TRIM2: variants seen among roughly 807,000 people sequenced by gnomAD.
TRIM2 encodes the protein tripartite motif containing 2, also known as tripartite motif-containing protein 2.
In TRIM2, 20 loss-of-function variants were observed where a neutral mutation model predicts 75.2. That is an observed-to-expected ratio of 0.27 (90% CI 0.19 to 0.39). TRIM2 has a LOEUF of 0.39. Among genes scored for constraint, TRIM2 ranks in the 10% least tolerant of loss-of-function variants. TRIM2 has a pLI of 1.00. For synonymous variants in TRIM2, 373 were observed against 388.3 expected, an observed-to-expected ratio of 0.96 and a Z score of 0.46; for missense variants, 660 against 990.8, an observed-to-expected ratio of 0.67 and a Z score of 4.48.
chr4:153,272,747 A>G (rs185456026), intron 2 of TRIM2, among the ~76,000 whole-genome samples: 1 of 152,222 alleles, frequency 6.6e-6, no homozygotes, highest in East Asian at 1.9e-4. Flanking sequence ...TTGGGCTTAC[A>G]GGCGTGAGCC....
At chr4:153,166,920 T>C (rs952874102) in intron 1 of TRIM2, among the ~76,000 whole-genome samples, 3 of 152,190 alleles carry the variant, frequency 2.0e-5, no homozygotes. Flanking sequence ...CGGGGGTCTG[T>C]CTGGAGACCT....
chr4:153,292,474 T>C (rs1579402567), intron 3 of TRIM2, among the ~76,000 whole-genome samples: 3 of 152,248 alleles, frequency 2.0e-5, no homozygotes, highest in South Asian at 4.1e-4. Context: ...AAATTTTTTG[T>C]AGAGACAGAG....
At chr4:153,255,011 A>G (rs1751724766) in intron 1 of TRIM2, among the ~76,000 whole-genome samples, 1 of 152,118 alleles carries the variant, frequency 6.6e-6, no homozygotes, top group Non-Finnish European at 1.5e-5. Context: ...AGTGCTTGAA[A>G]TGCTCCGCAC....
At chr4:153,259,240 A>AT (rs945964018) in intron 1 of TRIM2, among the ~76,000 whole-genome samples, 3 of 151,894 alleles carry the variant, frequency 2.0e-5, no homozygotes, top group Middle Eastern at 3.4e-3. Flanking sequence ...CAATGACTTA[A>AT]TTTTTTTTTA....
At chr4:153,262,432 G>T (rs1753809673) in intron 1 of TRIM2, among the ~76,000 whole-genome samples, 1 of 152,200 alleles carries the variant, frequency 6.6e-6, no homozygotes, top group South Asian at 2.1e-4. Context: ...CCAGTTTACT[G>T]GTTTGGGTGG....
At chr4:153,174,573 A>G (rs1478459055) in intron 1 of TRIM2, among the ~76,000 whole-genome samples, 1 of 152,222 alleles carries the variant, frequency 6.6e-6, no homozygotes, top group East Asian at 1.9e-4. Flanking sequence ...TGCCAGCACC[A>G]GGATTCTTCC....
rs1190097477 is a variant in TRIM2 at position 153,295,552 on chromosome 4, C to T, written c.1026C>T (p.Leu342=). 2 of 1,613,370 alleles carry T rather than the reference C, an allele frequency of 1.2e-6. No individual in the cohort carries two copies. The highest frequency in any genetic ancestry group is 2.2e-5 in the East Asian group (1 of 44,846). The stretch of plus-strand genomic sequence containing the variant: ...GGCTGAAGAAGTCCATCCACAACCT[C>T]GGGACGATCTTAACCACCAACGCCG... ...TEGLKKSIHN[L]GTILTTNAVA... Residue 342 remains leucine, a synonymous_variant, in exon 6 of 12, where the codon CTC becomes CTT. Transcript: ENST00000338700. This position sits in a 1 kb window ranked among gnomAD's most constrained non-coding sequence, Gnocchi z 7.2.
intron 2 of TRIM2, among the ~76,000 whole-genome samples, chr4:153,273,270 C>T (rs1301147516): frequency 2.6e-4 from 15 of 57,378 alleles, no homozygotes; most frequent in South Asian, 9.8e-4. Context: ...TACAGTCACT[C>T]TTTTTTTTTT....
intron 1 of TRIM2, among the ~76,000 whole-genome samples, chr4:153,255,064 G>A (rs145639397): frequency 3.3e-5 from 5 of 152,192 alleles, no homozygotes; most frequent in East Asian, 3.9e-4. Flanking sequence ...TTCTATGGGC[G>A]CCCAGAGCAT....
At chr4:153,189,512 G>A (rs2149655937) in intron 1 of TRIM2, among the ~76,000 whole-genome samples, 1 of 152,302 alleles carries the variant, frequency 6.6e-6, no homozygotes, top group South Asian at 2.1e-4. Context: ...CTGTGATGTG[G>A]CTGTGAGGCA....
rs908521023 is a variant in TRIM2, at chr4:153,209,341, A to G, written c.30+4781A>G. Among the ~76,000 whole-genome samples, 12 of 152,320 alleles carry G rather than the reference A, an allele frequency of 7.9e-5. No homozygotes were observed. The Middle Eastern group carries it at 0.01, about 130-fold the overall frequency. ...CGATATGTTCAAGGGACCCACCCCC[A>G]TAAAAGATGGAAGATGAATCAGAAA... On this transcript the variant is annotated intron_variant, in intron 1 of 11. Coordinates refer to ENST00000338700, the MANE Select transcript of TRIM2 (RefSeq NM_015271.5).
intron 1 of TRIM2, among the ~76,000 whole-genome samples, chr4:153,162,893 T>C (rs749598807): frequency 4.6e-5 from 7 of 152,186 alleles, no homozygotes; most frequent in Non-Finnish European, 7.3e-5. Context: ...CAGTTACCAC[T>C]GAATTATGTG....
chr4:153,277,736 A>T (rs1461794700), intron 3 of TRIM2, among the ~76,000 whole-genome samples: 5 of 152,242 alleles, frequency 3.3e-5, no homozygotes, highest in Non-Finnish European at 5.9e-5. Context: ...TAGCCAAAAC[A>T]AGAGAAGGAC....
chr4:153,189,473 G>T (rs1403979708), intron 1 of TRIM2, among the ~76,000 whole-genome samples: 2 of 152,208 alleles, frequency 1.3e-5, no homozygotes, highest in African/African-American at 4.8e-5. Context: ...ACCTGCTGTG[G>T]TCGCATCTGG....
At chr4:153,222,390 G>T (rs986029654) in intron 1 of TRIM2, 2 of 152,146 alleles carry the variant, frequency 1.3e-5, no homozygotes, top group Non-Finnish European at 2.9e-5. Flanking sequence ...GTTTTCAGGA[G>T]ACCTGAAAAC....
At chr4:153,194,355 A>T (rs1733547530) in intron 1 of TRIM2, among the ~76,000 whole-genome samples, 1 of 152,170 alleles carries the variant, frequency 6.6e-6, no homozygotes. Flanking sequence ...AATGAACAAC[A>T]TTTTGGTTTC....
intron 3 of TRIM2, among the ~76,000 whole-genome samples, chr4:153,280,580 T>G (rs1759095410): frequency 6.6e-6 from 1 of 152,120 alleles, no homozygotes; most frequent in African/African-American, 2.4e-5. Context: ...AGAAAAGGTC[T>G]TATGTTGCCC....
chr4:153,333,176 T>C (rs997793785), intron 11 of TRIM2, among the ~76,000 whole-genome samples: 2 of 152,188 alleles, frequency 1.3e-5, no homozygotes, highest in Non-Finnish European at 2.9e-5. Flanking sequence ...ACAACTCTGA[T>C]GCATCTCAAG....
At chr4:153,292,550 C>T (rs1018103018) in intron 3 of TRIM2, among the ~76,000 whole-genome samples, 5 of 152,326 alleles carry the variant, frequency 3.3e-5, no homozygotes, top group Admixed American at 2.0e-4. Context: ...CTTGGCCTCC[C>T]AAAGTGCTGG....
Sources: gnomAD v4.1 joint callset for allele counts (sites outside exome capture counted in the v4.1 genomes callset) on GRCh38, gnomAD v4.1.1 for gene constraint, Gnocchi (gnomAD v3.1) non-coding constraint, MANE v1.5 for transcripts, NCBI Gene and HGNC (gene_info 2026-07-23, HGNC 2026-07-21) for gene names.